CLSTN2: variants seen among roughly 807,000 people sequenced by gnomAD.
CLSTN2 encodes calsyntenin 2, also known as calsyntenin-2.
In CLSTN2, 48 loss-of-function variants were observed where a neutral mutation model predicts 101.2. The observed-to-expected ratio is 0.47, with a 90% CI of 0.38 to 0.60. The LOEUF (loss-of-function observed/expected upper bound fraction) is 0.60, where lower values mean the gene tolerates loss of function less well. Among genes scored for constraint, CLSTN2 ranks in the 20% least tolerant of loss-of-function variants. The pLI is 0.00. For synonymous variants in CLSTN2, 481 were observed against 463.6 expected (o/e 1.04, Z -0.48); for missense variants, 1,160 against 1,238.2 (o/e 0.94, Z 0.95).
intron 1 of CLSTN2, among the ~76,000 whole-genome samples, chr3:140,013,500 A>G (rs2007131190): frequency 6.6e-6 from 1 of 152,218 alleles, no homozygotes; most frequent in Admixed American, 6.5e-5. Flanking sequence ...CATGTGGGTG[A>G]TATGGAAATA....
At chr3:140,214,295 AGCTGGGTGTGGT>A (rs1439172460) in intron 2 of CLSTN2, among the ~76,000 whole-genome samples, 2 of 151,980 alleles carry the variant, frequency 1.3e-5, no homozygotes, top group Non-Finnish European at 2.9e-5. Flanking sequence ...CAAAAAAAAT[AGCTGGGTGTGGT>A]GCTGGGTGTG....
chr3:140,317,149 T>C (rs2087238170), intron 2 of CLSTN2, among the ~76,000 whole-genome samples: 1 of 152,136 alleles, frequency 6.6e-6, no homozygotes, highest in Admixed American at 6.5e-5. Context: ...GCTAAGACCT[T>C]AAAAAACAAA....
rs372734477 is a variant in CLSTN2 at position 140,051,707 on chromosome 3, G to A, written c.109+116224G>A. ...AAGCCTCAAAACACTATTGAGGCTGGGTTCCACATCATTCATATCAGAGAT... is the reference window on the plus strand; with the variant it reads ...AAGCCTCAAAACACTATTGAGGCTGAGTTCCACATCATTCATATCAGAGAT... On this transcript the variant is annotated intron_variant, in intron 1 of 16. Coordinates refer to ENST00000458420, the MANE Select transcript of CLSTN2 (RefSeq NM_022131.3). 2.0e-5 allele frequency among the ~76,000 whole-genome samples: 3 copies of A among 152,198 alleles called. No individual in the cohort carries two copies. In the South Asian group the frequency reaches 6.2e-4, roughly 32 times the overall value.
chr3:140,458,356 C>T (rs1933468343), intron 6 of CLSTN2, among the ~76,000 whole-genome samples: 1 of 152,036 alleles, frequency 6.6e-6, no homozygotes, highest in Admixed American at 6.5e-5. Context: ...GCCCCCATAC[C>T]CCTGCCCACC....
intron 2 of CLSTN2, among the ~76,000 whole-genome samples, chr3:140,236,269 A>AT (rs1239698621): frequency 1.3e-5 from 2 of 152,116 alleles, no homozygotes; most frequent in African/African-American, 4.8e-5. Context: ...GTTAATTTCT[A>AT]TTTTTTAAAC....
chr3:140,150,988 C>T (rs2009855865), intron 1 of CLSTN2, among the ~76,000 whole-genome samples: 1 of 151,822 alleles, frequency 6.6e-6, no homozygotes. Context: ...TAGAAGGGCT[C>T]CTTATGGTTT....
intron 1 of CLSTN2, among the ~76,000 whole-genome samples, chr3:140,139,270 A>G (rs2107808203): frequency 6.6e-6 from 1 of 152,298 alleles, no homozygotes; most frequent in East Asian, 1.9e-4. Context: ...GGCATCTCAG[A>G]TGGCAATCTT....
At chr3:140,019,158 TGGTGTGAC>T (rs1235387002) in intron 1 of CLSTN2, among the ~76,000 whole-genome samples, 1 of 152,198 alleles carries the variant, frequency 6.6e-6, no homozygotes, top group Non-Finnish European at 1.5e-5. Flanking sequence ...TAAAAAAAGA[TGGTGTGAC>T]GGTTAATTTT....
intron 1 of CLSTN2, among the ~76,000 whole-genome samples, chr3:140,014,482 T>G (rs1010229313): frequency 6.6e-6 from 1 of 152,022 alleles, no homozygotes; most frequent in African/African-American, 2.4e-5. Flanking sequence ...GCCTCCAAAA[T>G]TGTTGAGATT....
At chr3:140,192,833 T>G (rs147881263) in intron 2 of CLSTN2, among the ~76,000 whole-genome samples, 153 of 152,088 alleles carry the variant, frequency 1.0e-3, no homozygotes, top group African/African-American at 3.6e-3. Context: ...TATTTTTGTG[T>G]TGTTCTATTT....
At chr3:140,143,307 A>G (rs1576443599) in intron 1 of CLSTN2, among the ~76,000 whole-genome samples, 1 of 152,156 alleles carries the variant, frequency 6.6e-6, no homozygotes, top group East Asian at 1.9e-4. Context: ...GAACCAGGAA[A>G]GCTAGTGGTA....
intron 8 of CLSTN2, among the ~76,000 whole-genome samples, chr3:140,468,428 T>G (rs1933759717): frequency 6.6e-6 from 1 of 152,204 alleles, no homozygotes; most frequent in South Asian, 2.1e-4. Flanking sequence ...GGAATTCTGG[T>G]TCTGAAGATA....
intron 5 of CLSTN2, among the ~76,000 whole-genome samples, chr3:140,437,985 G>A (rs1042043572): frequency 5.9e-5 from 9 of 152,106 alleles, no homozygotes; most frequent in African/African-American, 2.2e-4. Context: ...CTCAGTGGCT[G>A]CATAACGTCC....
chr3:140,525,440 A>G (rs191129657), intron 8 of CLSTN2, among the ~76,000 whole-genome samples: 4 of 152,264 alleles, frequency 2.6e-5, no homozygotes, highest in Non-Finnish European at 5.9e-5. Flanking sequence ...CTGAGATTTT[A>G]AAAACCTACT....
At chr3:140,299,480 A>G (rs2087033873) in intron 2 of CLSTN2, among the ~76,000 whole-genome samples, 1 of 152,210 alleles carries the variant, frequency 6.6e-6, no homozygotes, top group Non-Finnish European at 1.5e-5. Flanking sequence ...TCATATTTAA[A>G]TCCAACTGTA....
At chr3:140,216,999 A>G (rs947916317) in intron 2 of CLSTN2, among the ~76,000 whole-genome samples, 1 of 152,220 alleles carries the variant, frequency 6.6e-6, no homozygotes, top group African/African-American at 2.4e-5. Flanking sequence ...ATGAGAGAAC[A>G]GTGGTCCAGA....
At chr3:140,016,793 G>GAAAAAAAAAAAA (rs56040791) in intron 1 of CLSTN2, among the ~76,000 whole-genome samples, 3 of 89,278 alleles carry the variant, frequency 3.4e-5, no homozygotes, top group African/African-American at 4.6e-5. Context: ...GTGAGACTCT[G>GAAAAAAAAAAAA]AAAAAAAAAA....
At chr3:140,098,222 T>G (rs1280786883) in intron 1 of CLSTN2, among the ~76,000 whole-genome samples, 1 of 152,220 alleles carries the variant, frequency 6.6e-6, no homozygotes, top group Non-Finnish European at 1.5e-5. Context: ...AGGTGGATAC[T>G]TCTACAACCT....
At chr3:140,236,369 A>C (rs1262692548) in intron 2 of CLSTN2, among the ~76,000 whole-genome samples, 1 of 152,144 alleles carries the variant, frequency 6.6e-6, no homozygotes, top group Non-Finnish European at 1.5e-5. Flanking sequence ...TATCAATCTT[A>C]GTTTATGTGT....
Sources: allele counts gnomAD v4.1 joint callset (sites outside exome capture counted in the v4.1 genomes callset), GRCh38; gene constraint gnomAD v4.1.1; transcripts MANE v1.5; gene names NCBI Gene and HGNC (gene_info 2026-07-23, HGNC 2026-07-21).